NPAS3: variants seen among roughly 807,000 people sequenced by gnomAD.
NPAS3 encodes neuronal PAS domain protein 3.
In NPAS3, 14 loss-of-function variants were observed where a neutral mutation model predicts 73.1. That is an observed-to-expected ratio of 0.19 (90% CI 0.13 to 0.30). The LOEUF is 0.30. Among genes scored for constraint, NPAS3 ranks in the 10% least tolerant of loss-of-function variants. The probability of loss-of-function intolerance (pLI) is 1.00; values close to 1 mark genes in which losing one functional copy is unlikely to be tolerated. For missense variants in NPAS3, 1,096 were observed against 1,250.0 expected, an observed-to-expected ratio of 0.88 and a Z score of 1.86; for synonymous variants, 620 against 541.5, an observed-to-expected ratio of 1.14 and a Z score of -2.01.
chr14:32,935,536 G>T (rs997002515), upstream of NPAS3, among the ~76,000 whole-genome samples: 7 of 152,194 alleles, frequency 4.6e-5, no homozygotes, highest in African/African-American at 1.4e-4. Context: ...TGAAATCCGA[G>T]TCTCTTCGGC....
intron 4 of NPAS3, among the ~76,000 whole-genome samples, chr14:33,521,941 A>T (rs1208115849): frequency 6.6e-6 from 1 of 152,176 alleles, no homozygotes; most frequent in South Asian, 2.1e-4. Flanking sequence ...ATTATGATCC[A>T]TCTTACCTAT....
chr14:33,616,487 C>T (rs1275913876), intron 5 of NPAS3, among the ~76,000 whole-genome samples: 1 of 152,134 alleles, frequency 6.6e-6, no homozygotes, highest in African/African-American at 2.4e-5. Context: ...GACCAGTGCC[C>T]GTCTCGGCAG....
chr14:33,159,441 C>G (rs1369264537), intron 2 of NPAS3, among the ~76,000 whole-genome samples: 1 of 151,912 alleles, frequency 6.6e-6, no homozygotes, highest in African/African-American at 2.4e-5. Flanking sequence ...TTGTCAACTT[C>G]AGATTTCTTT....
intron 5 of NPAS3, among the ~76,000 whole-genome samples, chr14:33,636,321 G>GTT (rs1230898317): frequency 1.3e-5 from 2 of 152,212 alleles, no homozygotes; most frequent in Admixed American, 1.3e-4. Context: ...ATGAAAAAGT[G>GTT]TTTGCCCAGT....
intron 3 of NPAS3, among the ~76,000 whole-genome samples, chr14:33,305,139 G>A (rs1264288779): frequency 6.6e-6 from 1 of 151,930 alleles, no homozygotes; most frequent in Non-Finnish European, 1.5e-5. Context: ...TGGGATTAGG[G>A]CTAATCCAAT....
At chr14:33,470,631 G>A (rs1407583323) in intron 4 of NPAS3, among the ~76,000 whole-genome samples, 3 of 152,128 alleles carry the variant, frequency 2.0e-5, no homozygotes, top group South Asian at 2.1e-4. Flanking sequence ...CATATGTAAG[G>A]TGGTTCATTT....
chr14:33,330,005 G>A (rs974844020), intron 3 of NPAS3, among the ~76,000 whole-genome samples: 2 of 152,152 alleles, frequency 1.3e-5, no homozygotes, highest in African/African-American at 4.8e-5. Context: ...CTGGACTTTG[G>A]GAGGCCAAGG....
chr14:33,264,600 A>G (rs1594546671), intron 3 of NPAS3, among the ~76,000 whole-genome samples: 1 of 152,156 alleles, frequency 6.6e-6, no homozygotes, highest in Non-Finnish European at 1.5e-5. Flanking sequence ...TAATGAGAAG[A>G]GTTAGTGTCT....
chr14:32,965,212 T>A lies in NPAS3; in HGVS notation c.50+25846T>A, dbSNP rs1325074407. ...GTAGAGGGAGTTGATCCAAATTCAT[T>A]CTAAAAGGCTAACATTACCCTGATA... On this transcript the variant is annotated intron_variant, in intron 1 of 11. Transcript: ENST00000356141. Among the ~76,000 whole-genome samples the A allele has an allele frequency of 1.3e-5, 2 of 152,132 alleles. 1 individual carries two copies. Among genetic ancestry groups the A allele is most frequent in the Non-Finnish European group, 2.9e-5 (2 of 68,026 alleles).
intron 6 of NPAS3, among the ~76,000 whole-genome samples, chr14:33,696,509 C>T (rs900572309): frequency 3.3e-5 from 5 of 152,128 alleles, no homozygotes; most frequent in African/African-American, 9.7e-5. Flanking sequence ...GTAACGCATT[C>T]GGTAAATAGT....
At chr14:32,994,178 A>C (rs1209335995) in intron 1 of NPAS3, among the ~76,000 whole-genome samples, 3 of 152,168 alleles carry the variant, frequency 2.0e-5, no homozygotes, top group Admixed American at 6.5e-5. Flanking sequence ...ACTTTGTTTG[A>C]AATACTATAT....
At chr14:33,718,013 A>G (rs1433252513) in intron 6 of NPAS3, among the ~76,000 whole-genome samples, 1 of 150,898 alleles carries the variant, frequency 6.6e-6, no homozygotes, top group East Asian at 1.9e-4. Flanking sequence ...TTTTTTTTTA[A>G]GTGAGTACCC....
chr14:33,336,309 A>C (rs992545470), intron 3 of NPAS3, among the ~76,000 whole-genome samples: 3 of 152,192 alleles, frequency 2.0e-5, no homozygotes, highest in Non-Finnish European at 4.4e-5. Context: ...TTAAACTTGC[A>C]TGGGACTGCA....
At chr14:33,549,844 T>C (rs1371870905) in intron 4 of NPAS3, among the ~76,000 whole-genome samples, 1 of 152,238 alleles carries the variant, frequency 6.6e-6, no homozygotes, top group East Asian at 1.9e-4. Flanking sequence ...AATCACCTTT[T>C]GATCTTGCAA....
chr14:33,021,633 C>T (rs1193891657), intron 1 of NPAS3, among the ~76,000 whole-genome samples: 1 of 152,108 alleles, frequency 6.6e-6, no homozygotes, highest in Non-Finnish European at 1.5e-5. Flanking sequence ...TTTTTCAAAG[C>T]AAAGATCAAG....
At chr14:33,375,697 A>G (rs2046284155) in intron 4 of NPAS3, among the ~76,000 whole-genome samples, 1 of 152,186 alleles carries the variant, frequency 6.6e-6, no homozygotes, top group South Asian at 2.1e-4. Context: ...CCTCACCTCA[A>G]ATAAGATATC....
At chr14:32,980,008 G>A (rs1263617741) in intron 1 of NPAS3, among the ~76,000 whole-genome samples, 2 of 152,204 alleles carry the variant, frequency 1.3e-5, no homozygotes, top group East Asian at 1.9e-4. Context: ...GAATTCTAAA[G>A]CAGCTAGATA....
At chr14:33,662,633 G>A (rs2059339185) in intron 5 of NPAS3, among the ~76,000 whole-genome samples, 1 of 152,014 alleles carries the variant, frequency 6.6e-6, no homozygotes, top group Non-Finnish European at 1.5e-5. Context: ...CTTAAGCAGT[G>A]GTTTGTAGTT....
chr14:33,026,094 T>C (rs527487695), intron 1 of NPAS3, among the ~76,000 whole-genome samples: 79 of 152,282 alleles, frequency 5.2e-4, no homozygotes, highest in African/African-American at 1.7e-3. Flanking sequence ...AGGAACAAAA[T>C]TCCAGGTTGA....
Sources: allele counts gnomAD v4.1 joint callset (sites outside exome capture counted in the v4.1 genomes callset), GRCh38; gene constraint gnomAD v4.1.1; transcripts MANE v1.5; gene names NCBI Gene and HGNC (gene_info 2026-07-23, HGNC 2026-07-21).